The following CSRNP3 variants were observed in gnomAD, a reference collection of about 807,000 sequenced individuals.
CSRNP3 encodes the protein cysteine and serine rich nuclear protein 3.
In CSRNP3, 12 loss-of-function variants were observed where a neutral mutation model predicts 48.0. That is an observed-to-expected ratio of 0.25 (90% CI 0.16 to 0.41). The LOEUF (loss-of-function observed/expected upper bound fraction) is 0.41. Ranked by LOEUF, CSRNP3 falls within the 10% of genes least tolerant of loss-of-function variation. The probability of loss-of-function intolerance (pLI) is 1.00; values close to 1 mark genes in which losing one functional copy is unlikely to be tolerated. For synonymous variants in CSRNP3, 263 were observed against 269.7 expected (o/e 0.98, Z 0.24); for missense variants, 580 against 724.4 (o/e 0.80, Z 2.29).
chr2:165,479,317 A>C (rs1375163222), intron 1 of CSRNP3, among the ~76,000 whole-genome samples: 1 of 152,188 alleles, frequency 6.6e-6, no homozygotes, highest in African/African-American at 2.4e-5. Context: ...AATATCAAGC[A>C]GTGAGATATC....
Position 165,539,076 on chromosome 2 carries a change from T to G in CSRNP3, c.-24+21115T>G, listed in dbSNP as rs6755892. ...AACCAAGACAGGGTCAAAATTTTCA[T>G]TAAGTCTTATCGTTTTCTTTAAAAT... On this transcript the variant is annotated intron_variant, in intron 3 of 6. Transcript: ENST00000651982. 8.3e-3 allele frequency among the ~76,000 whole-genome samples: 1,262 copies of G among 152,122 alleles called. 14 individuals carry two copies. The highest frequency in any genetic ancestry group is 0.028 in the African/African-American group (1,166 of 41,542).
chr2:165,592,658 A>G (rs928159734), intron 3 of CSRNP3, among the ~76,000 whole-genome samples: 24 of 152,138 alleles, frequency 1.6e-4, no homozygotes, highest in Admixed American at 1.4e-3. Context: ...TAATGGTTTT[A>G]TAAGGGGCTT....
chr2:165,672,195 C>A (rs920123427), intron 5 of CSRNP3, among the ~76,000 whole-genome samples: 4 of 152,160 alleles, frequency 2.6e-5, no homozygotes, highest in African/African-American at 9.7e-5. Flanking sequence ...TGCCTATTAC[C>A]CAGTTCCAAA....
chr2:165,649,311 T>C (rs1340312091), intron 4 of CSRNP3, among the ~76,000 whole-genome samples: 5 of 152,230 alleles, frequency 3.3e-5, no homozygotes, highest in Admixed American at 3.3e-4. Context: ...GAAGCTGCAA[T>C]GTGCAAAAGA....
intron 4 of CSRNP3, among the ~76,000 whole-genome samples, chr2:165,654,956 A>T (rs1237643253): frequency 6.6e-6 from 1 of 152,172 alleles, no homozygotes; most frequent in Non-Finnish European, 1.5e-5. Flanking sequence ...ATGTATCCCA[A>T]TCATCTAGAA....
chr2:165,574,278 C>A, intron 3 of CSRNP3: 1 of 1,104,304 alleles, frequency 9.1e-7, no homozygotes, highest in South Asian at 1.5e-5. Context: ...GTTCAAAGGT[C>A]ACAGGGCTGG....
intron 5 of CSRNP3, among the ~76,000 whole-genome samples, chr2:165,666,596 T>A (rs111067445): frequency 1 from 28,418 of 28,514 alleles, 14,163 homozygotes; most frequent in Middle Eastern, 1. Flanking sequence ...GAAGGGAGGA[T>A]AGAGAGAGAT....
chr2:165,497,517 T>C (rs1366602860), intron 2 of CSRNP3, among the ~76,000 whole-genome samples: 1 of 152,088 alleles, frequency 6.6e-6, no homozygotes, highest in Non-Finnish European at 1.5e-5. Flanking sequence ...GACAAATCTT[T>C]ATTAATTATT....
intron 1 of CSRNP3, among the ~76,000 whole-genome samples, chr2:165,485,817 A>G (rs1368613292): frequency 1.3e-5 from 2 of 152,194 alleles, no homozygotes. Flanking sequence ...TTACATTTAC[A>G]TTTTTGTTGT....
chr2:165,489,010 T>C (rs1167513029), intron 1 of CSRNP3, among the ~76,000 whole-genome samples: 3 of 135,828 alleles, frequency 2.2e-5, no homozygotes, highest in Non-Finnish European at 4.7e-5. Context: ...ATCCAGGAGC[T>C]GGTTTTTTGA....
At chr2:165,540,513 G>A (rs1294413562) in intron 3 of CSRNP3, among the ~76,000 whole-genome samples, 1 of 151,952 alleles carries the variant, frequency 6.6e-6, no homozygotes, top group Non-Finnish European at 1.5e-5. Context: ...GCTGGGCAAG[G>A]CAGTCTCCTC....
intron 3 of CSRNP3, among the ~76,000 whole-genome samples, chr2:165,583,157 G>A (rs1013546010): frequency 3.9e-5 from 6 of 152,106 alleles, no homozygotes; most frequent in African/African-American, 7.2e-5. Context: ...CTGTTTTGGC[G>A]GCAGATATGC....
chr2:165,638,338 G>A (rs1245809646), intron 4 of CSRNP3, among the ~76,000 whole-genome samples: 1 of 152,242 alleles, frequency 6.6e-6, no homozygotes, highest in African/African-American at 2.4e-5. Flanking sequence ...GCACATGCCT[G>A]TAGTCCCAGC....
chr2:165,552,576 A>G (rs1324080130), intron 3 of CSRNP3, among the ~76,000 whole-genome samples: 1 of 152,154 alleles, frequency 6.6e-6, no homozygotes, highest in Admixed American at 6.6e-5. Flanking sequence ...GGGGCAAATT[A>G]TCATTATCTT....
rs868736927 is a variant in CSRNP3 at position 165,651,183 on chromosome 2, A to G, written c.149-6578A>G. The stretch of plus-strand genomic sequence containing the variant: ...ATCTGTGTGCATGCAGAGATGGCCA[A>G]ACTCAAGTGGAATGATACACTAATA... On this transcript the variant is annotated intron_variant, in intron 4 of 6. Transcript: ENST00000651982. 3.3e-5 allele frequency among the ~76,000 whole-genome samples: 5 copies of G among 152,374 alleles called. No homozygotes were observed. The South Asian group carries it at 1.0e-3, about 32-fold the overall frequency.
chr2:165,558,602 A>G (rs1037858799), intron 3 of CSRNP3, among the ~76,000 whole-genome samples: 5 of 152,080 alleles, frequency 3.3e-5, no homozygotes, highest in Non-Finnish European at 5.9e-5. Context: ...AGTTTGTAAG[A>G]CACACACACA....
chr2:165,529,013 G>T (rs115161874), intron 3 of CSRNP3, among the ~76,000 whole-genome samples: 196 of 152,124 alleles, frequency 1.3e-3, no homozygotes, highest in African/African-American at 4.3e-3. Context: ...AGTTGCAGCT[G>T]CCCAAACCAC....
intron 1 of CSRNP3, among the ~76,000 whole-genome samples, chr2:165,486,008 G>A (rs1270952407): frequency 6.6e-6 from 1 of 152,142 alleles, no homozygotes; most frequent in South Asian, 2.1e-4. Flanking sequence ...GAAGACGGGT[G>A]ATTTCTGCAT....
Position 165,574,481 on chromosome 2 carries a change from T to A in CSRNP3, c.-23-20562T>A, listed in dbSNP as rs1258443803. ...CTGATTTTATTTCTATTAAAGACAC[T>A]GATGGGCATTGGCTATTTTAATTCA... On this transcript the variant is annotated intron_variant, in intron 3 of 6. Transcript: ENST00000651982. 3.2e-6 allele frequency: 4 copies of A among 1,256,700 alleles called. No homozygotes were observed. In the African/African-American group the frequency reaches 4.5e-5, roughly 14 times the overall value. The allele number at this position is 1,256,700 out of a possible 1,614,324, so 77.8% of individuals were successfully genotyped here. A position where few individuals can be genotyped will look rare whatever the true frequency, so the allele number is the denominator to read the frequency against.
Sources: gnomAD v4.1 joint callset for allele counts (sites outside exome capture counted in the v4.1 genomes callset) on GRCh38, gnomAD v4.1.1 for gene constraint, MANE v1.5 for transcripts, NCBI Gene and HGNC (gene_info 2026-07-23, HGNC 2026-07-21) for gene names.